Variants in NEBL observed in about 807,000 individuals in gnomAD.
NEBL encodes the protein nebulette.
A neutral mutation model predicts 140.2 loss-of-function variants in NEBL; 122 were observed. The ratio of observed to expected loss-of-function variants is 0.87; its 90% CI spans 0.75 to 1.01. NEBL has a LOEUF of 1.01. Among genes scored for constraint, NEBL ranks in the 50% least tolerant of loss-of-function variants. NEBL has a pLI of 0.00. For missense variants in NEBL, 1,365 were observed against 1,231.3 expected (o/e 1.11, Z -1.62); for synonymous variants, 436 against 398.9 (o/e 1.09, Z -1.11).
chr10:21,203,366 A>G (rs894944839), intron 3 of NEBL, among the ~76,000 whole-genome samples: 3 of 152,254 alleles, frequency 2.0e-5, no homozygotes, highest in Non-Finnish European at 4.4e-5. Flanking sequence ...AATTATCTGT[A>G]TAAGTTAGTG....
At chr10:20,877,594 G>T (rs1429844066) in intron 5 of NEBL, among the ~76,000 whole-genome samples, 1 of 152,174 alleles carries the variant, frequency 6.6e-6, no homozygotes, top group Non-Finnish European at 1.5e-5. Context: ...ATAGGAAAAG[G>T]CTGCCTGGGA....
intron 2 of NEBL, chr10:21,113,372 A>C (rs1838137029): frequency 2.3e-6 from 1 of 436,522 alleles, no homozygotes; most frequent in South Asian, 1.8e-5. Flanking sequence ...GCAAAAATGC[A>C]AACAAACACA....
chr10:21,207,109 G>A (rs762108836), intron 3 of NEBL, among the ~76,000 whole-genome samples: 23 of 151,616 alleles, frequency 1.5e-4, no homozygotes, highest in Non-Finnish European at 2.5e-4. Flanking sequence ...CAGTAGCTGG[G>A]ATTACACACA....
chr10:20,916,772 G>A (rs1309963734), intron 4 of NEBL, among the ~76,000 whole-genome samples: 2 of 152,180 alleles, frequency 1.3e-5, no homozygotes, highest in South Asian at 2.1e-4. Context: ...TATAAAATGC[G>A]TGCCCATCTG....
At chr10:21,232,091 C>G (rs1325202974) in intron 3 of NEBL, among the ~76,000 whole-genome samples, 2 of 152,040 alleles carry the variant, frequency 1.3e-5, no homozygotes, top group East Asian at 3.9e-4. Context: ...CCCTACGCTT[C>G]GAGAATAAAC....
At chr10:21,084,596 CA>C (rs1025207988) in intron 2 of NEBL, among the ~76,000 whole-genome samples, 20 of 140,246 alleles carry the variant, frequency 1.4e-4, no homozygotes, top group Admixed American at 2.2e-4. Context: ...GACTCTGTCC[CA>C]AAAAAAAAAT....
chr10:20,933,412 A>G (rs1834301063), intron 4 of NEBL, among the ~76,000 whole-genome samples: 1 of 152,186 alleles, frequency 6.6e-6, no homozygotes, highest in Admixed American at 6.5e-5. Flanking sequence ...CACTCTCAGG[A>G]GTGGCAGGTA....
rs762179161 is a variant in NEBL at position 20,817,599 on chromosome 10, C to A, written c.2148+1G>T. 6.2e-7 allele frequency: 1 copy of A among 1,607,412 alleles called. No individual in the cohort carries two copies. Among genetic ancestry groups the A allele is most frequent in the South Asian group, 1.1e-5 (1 of 90,964 alleles). ...GAAAAAAGTTACTAAGATGATCACA[C>A]ATTGCTGATGTTTTTCTGGTTTTCT... On this transcript the variant is annotated splice_donor_variant, in intron 21 of 27. Coordinates refer to ENST00000377122, the MANE Select transcript of NEBL (RefSeq NM_006393.3). LOFTEE classifies it high-confidence loss of function.
intron 3 of NEBL, among the ~76,000 whole-genome samples, chr10:21,244,579 G>A (rs892129165): frequency 6.6e-6 from 1 of 151,698 alleles, no homozygotes; most frequent in Non-Finnish European, 1.5e-5. Flanking sequence ...TTGAACCTGG[G>A]AGATAGAGGT....
At chr10:21,044,691 C>A (rs541791608) in intron 2 of NEBL, among the ~76,000 whole-genome samples, 1 of 152,248 alleles carries the variant, frequency 6.6e-6, no homozygotes, top group South Asian at 2.1e-4. Flanking sequence ...GCTAAATGGT[C>A]AACATCTATG....
At chr10:21,061,238 G>C (rs572774693) in intron 2 of NEBL, among the ~76,000 whole-genome samples, 60 of 64,404 alleles carry the variant, frequency 9.3e-4, no homozygotes, top group Non-Finnish European at 1.7e-3. Context: ...TATATATTGT[G>C]ATATATTACA....
At chr10:21,280,688 C>T (rs116851574) in intron 1 of NEBL, among the ~76,000 whole-genome samples, 1,865 of 130,732 alleles carry the variant, frequency 0.014, 15 homozygotes, top group Non-Finnish European at 0.018. Context: ...GCTCACTGCT[C>T]ACTGTAACCT....
At position 20,923,537 on chromosome 10, in the gene NEBL, G is replaced by T. The variant is rs183288859; in HGVS notation, c.357+38135C>A. On this transcript the variant is annotated intron_variant, in intron 4 of 6. Coordinates refer to the NEBL transcript ENST00000417816. ...ATTAAAAATACACAAAAATTAGCCGGGCATAGTGGCACAAGCCTGTAGTCC... is the reference window on the plus strand; with the variant it reads ...ATTAAAAATACACAAAAATTAGCCGTGCATAGTGGCACAAGCCTGTAGTCC... 7.5e-4 allele frequency among the ~76,000 whole-genome samples: 114 copies of T among 151,298 alleles called. 3 individuals are homozygous for T. Among genetic ancestry groups the T allele is most frequent in the Admixed American group, 7.1e-3 (107 of 15,170 alleles).
At chr10:20,894,927 TAA>T (rs56137796) in intron 2 of NEBL, among the ~76,000 whole-genome samples, 8 of 79,868 alleles carry the variant, frequency 1.0e-4, no homozygotes, top group African/African-American at 4.7e-5. Flanking sequence ...AGACTCTGTC[TAA>T]AAAAAAAAAA....
intron 7 of NEBL, among the ~76,000 whole-genome samples, chr10:20,866,905 CT>C: frequency 6.6e-6 from 1 of 152,054 alleles, no homozygotes. Context: ...AGCCGTTAAT[CT>C]TTTTCATTCA....
chr10:21,196,228 T>A (rs2132221792), intron 3 of NEBL, among the ~76,000 whole-genome samples: 1 of 152,216 alleles, frequency 6.6e-6, no homozygotes, highest in East Asian at 1.9e-4. Context: ...GGTCTCGAAC[T>A]CCTGACCTCG....
chr10:21,139,490 G>A lies in NEBL; in HGVS notation c.164+32893C>T, dbSNP rs1007631432. Among the ~76,000 whole-genome samples the A allele has an allele frequency of 2.0e-5, 3 of 152,146 alleles. No homozygotes were observed. The East Asian group carries it at 5.8e-4, about 29-fold the overall frequency. On this transcript the variant is annotated intron_variant, in intron 2 of 6. Coordinates refer to the NEBL transcript ENST00000417816. ...AGGAGACCAAGGTTGAAAATCCATC[G>A]CATCTGAAGGGTGTGGACCACTATC...
chr10:21,070,271 A>T (rs570538966), intron 2 of NEBL, among the ~76,000 whole-genome samples: 1 of 152,228 alleles, frequency 6.6e-6, no homozygotes, highest in Admixed American at 6.5e-5. Flanking sequence ...AGCTGATTAG[A>T]TCATTTAAGT....
At chr10:20,803,012 G>A (rs1302653750) in intron 26 of NEBL, among the ~76,000 whole-genome samples, 3 of 152,096 alleles carry the variant, frequency 2.0e-5, no homozygotes, top group African/African-American at 7.2e-5. Context: ...AGAGCACTGG[G>A]ACTTAAGTCC....
Sources: allele counts gnomAD v4.1 joint callset (sites outside exome capture counted in the v4.1 genomes callset), GRCh38; gene constraint gnomAD v4.1.1; transcripts MANE v1.5; gene names NCBI Gene and HGNC (gene_info 2026-07-23, HGNC 2026-07-21).